The following RIMS1 variants were observed in gnomAD, a reference collection of about 807,000 sequenced individuals.
RIMS1 encodes regulating synaptic membrane exocytosis 1.
RIMS1 carries 83 observed loss-of-function variants against 214.1 expected under a neutral mutation model. The ratio of observed to expected loss-of-function variants is 0.39; its 90% CI spans 0.32 to 0.47. RIMS1 has a LOEUF of 0.47. Ranked by LOEUF, RIMS1 falls within the 20% of genes least tolerant of loss-of-function variation. The probability of loss-of-function intolerance (pLI) is 0.99; values close to 1 mark genes in which losing one functional copy is unlikely to be tolerated. For synonymous variants in RIMS1, 793 were observed against 786.8 expected, an observed-to-expected ratio of 1.01 and a Z score of -0.13; for missense variants, 2,050 against 2,161.8, an observed-to-expected ratio of 0.95 and a Z score of 1.03.
intron 6 of RIMS1, among the ~76,000 whole-genome samples, chr6:72,223,903 G>A (rs975408300): frequency 1.0e-4 from 15 of 144,400 alleles, no homozygotes; most frequent in Admixed American, 2.9e-4. Context: ...AGCCGAGATC[G>A]CGCCACTGCA....
At chr6:72,093,721 A>G (rs2030030206) in intron 2 of RIMS1, among the ~76,000 whole-genome samples, 2 of 148,252 alleles carry the variant, frequency 1.3e-5, no homozygotes, top group African/African-American at 4.9e-5. Flanking sequence ...ATGTTTATGT[A>G]TTTATTTATT....
chr6:72,018,331 CAT>C (rs1399744678), intron 2 of RIMS1, among the ~76,000 whole-genome samples: 5 of 152,022 alleles, frequency 3.3e-5, no homozygotes, highest in African/African-American at 4.8e-5. Context: ...TCTCAACAAA[CAT>C]AAAAATGGAG....
chr6:71,915,433 G>T (rs530109268), intron 1 of RIMS1, among the ~76,000 whole-genome samples: 1 of 152,264 alleles, frequency 6.6e-6, no homozygotes, highest in South Asian at 2.1e-4. Context: ...GCTCTGTGTA[G>T]GTGGTCCAAG....
chr6:72,232,900 G>C (rs1455295767), intron 6 of RIMS1, among the ~76,000 whole-genome samples: 1 of 151,794 alleles, frequency 6.6e-6, no homozygotes, highest in Non-Finnish European at 1.5e-5. Flanking sequence ...ACAGTTGATA[G>C]CTCATTATTA....
At chr6:72,194,492 TA>T (rs954507428) in intron 6 of RIMS1, among the ~76,000 whole-genome samples, 103 of 151,766 alleles carry the variant, frequency 6.8e-4, no homozygotes, top group Admixed American at 1.9e-3. Flanking sequence ...TTACTGAGGT[TA>T]AAAAAAATAT....
chr6:72,166,714 T>TAAA (rs747984936), intron 4 of RIMS1, among the ~76,000 whole-genome samples: 1,689 of 11,842 alleles, frequency 0.14, 10 homozygotes, highest in South Asian at 0.41. Context: ...CGTCTCTATT[T>TAAA]TAAAAAAAAA....
intron 6 of RIMS1, among the ~76,000 whole-genome samples, chr6:72,192,946 C>A (rs1056000552): frequency 3.3e-5 from 5 of 152,158 alleles, no homozygotes; most frequent in Non-Finnish European, 7.3e-5. Context: ...CACAGACACA[C>A]CCAGAATAAT....
At position 72,265,505 on chromosome 6, in the gene RIMS1, T is replaced by C. The variant is rs780331479; in HGVS notation, c.3308+2T>C. ...ATTTACTGATGAAATACTGGTTAGG[T>C]AAGAACATTTGGAAGTGATATCTTC... On this transcript the variant is annotated splice_donor_variant, in intron 21 of 33. Transcript: ENST00000521978. LOFTEE classifies it high-confidence loss of function. 2 of 1,502,338 alleles carry C rather than the reference T, an allele frequency of 1.3e-6. No individual in the cohort carries two copies. The highest frequency in any genetic ancestry group is 2.3e-5 in the South Asian group (2 of 86,630). 93.1% of individuals were successfully genotyped at this position (1,502,338 alleles called of 1,614,324 possible). A position where few individuals can be genotyped will look rare whatever the true frequency, so the allele number is the denominator to read the frequency against.
intron 2 of RIMS1, among the ~76,000 whole-genome samples, chr6:72,045,069 C>T (rs1822574289): frequency 6.6e-6 from 1 of 151,770 alleles, no homozygotes; most frequent in Non-Finnish European, 1.5e-5. Flanking sequence ...ATATCAAAAA[C>T]GTCATGCTAA....
chr6:72,156,738 G>T (rs1387084309), intron 4 of RIMS1, among the ~76,000 whole-genome samples: 1 of 140,182 alleles, frequency 7.1e-6, no homozygotes, highest in African/African-American at 2.5e-5. Context: ...ACATCACTTG[G>T]TATATCTCAA....
intron 1 of RIMS1, among the ~76,000 whole-genome samples, chr6:71,911,031 A>G (rs962673942): frequency 6.6e-6 from 1 of 152,152 alleles, no homozygotes; most frequent in African/African-American, 2.4e-5. Flanking sequence ...ATTAGGTTCT[A>G]AAGGTAGAAC....
intron 4 of RIMS1, among the ~76,000 whole-genome samples, chr6:72,167,360 G>A (rs956714999): frequency 2.0e-5 from 3 of 151,902 alleles, no homozygotes; most frequent in African/African-American, 4.8e-5. Flanking sequence ...CTGTTTGAGA[G>A]ACATTAGTTT....
chr6:72,216,876 A>G (rs998788614), intron 6 of RIMS1: 1 of 1,070,234 alleles, frequency 9.3e-7, no homozygotes, highest in Non-Finnish European at 1.1e-6. Flanking sequence ...AGTGTATGCT[A>G]CACTGGGAGC....
intron 1 of RIMS1, among the ~76,000 whole-genome samples, chr6:71,933,999 G>A (rs1783843738): frequency 6.6e-6 from 1 of 152,104 alleles, no homozygotes; most frequent in African/African-American, 2.4e-5. Flanking sequence ...TGCAGGTAAA[G>A]GTATACTTGA....
intron 1 of RIMS1, among the ~76,000 whole-genome samples, chr6:71,944,441 A>G (rs1787153367): frequency 6.6e-6 from 1 of 152,168 alleles, no homozygotes; most frequent in African/African-American, 2.4e-5. Context: ...ATAACGTGCA[A>G]CCATTCTGGG....
At chr6:72,394,969 A>G (rs1282216257) in intron 31 of RIMS1, among the ~76,000 whole-genome samples, 1 of 152,070 alleles carries the variant, frequency 6.6e-6, no homozygotes, top group Non-Finnish European at 1.5e-5. Context: ...AAGGAAGTAT[A>G]TATTTTTAAG....
chr6:72,080,824 C>T (rs1833195090), intron 2 of RIMS1, among the ~76,000 whole-genome samples: 1 of 152,126 alleles, frequency 6.6e-6, no homozygotes, highest in African/African-American at 2.4e-5. Flanking sequence ...TTTGGTGAAG[C>T]CTTCTCTAAC....
chr6:72,316,610 A>G, intron 28 of RIMS1: 1 of 454,606 alleles, frequency 2.2e-6, no homozygotes, highest in South Asian at 1.9e-5. Flanking sequence ...AGGCTGCACC[A>G]AGAGAGCAAC....
intron 22 of RIMS1, among the ~76,000 whole-genome samples, chr6:72,272,639 C>A (rs2154190584): frequency 6.6e-6 from 1 of 152,138 alleles, no homozygotes; most frequent in South Asian, 2.1e-4. Flanking sequence ...CTTGCTTTTT[C>A]TTTACTTTTA....
Sources: gnomAD v4.1 joint callset for allele counts (sites outside exome capture counted in the v4.1 genomes callset) on GRCh38, gnomAD v4.1.1 for gene constraint, MANE v1.5 for transcripts, NCBI Gene and HGNC (gene_info 2026-07-23, HGNC 2026-07-21) for gene names.